The following SLC25A48 variants were observed in gnomAD, a reference collection of about 807,000 sequenced individuals.
The protein encoded by SLC25A48 is solute carrier family 25 member 48.
In SLC25A48, 29 loss-of-function variants were observed where a neutral mutation model predicts 32.2. The observed-to-expected ratio is 0.90, with a 90% confidence interval of 0.67 to 1.23. The LOEUF (loss-of-function observed/expected upper bound fraction) is 1.23. Ranked by LOEUF, SLC25A48 falls within the 50% of genes most tolerant of loss-of-function variation. The probability of loss-of-function intolerance (pLI) is 0.00; values close to 1 mark genes in which losing one functional copy is unlikely to be tolerated. For missense variants in SLC25A48, 399 were observed against 422.7 expected (o/e 0.94, Z 0.49); for synonymous variants, 164 against 172.3 (o/e 0.95, Z 0.38).
intron 3 of SLC25A48, among the ~76,000 whole-genome samples, chr5:135,695,017 C>T (rs2126961189): frequency 6.6e-6 from 1 of 152,324 alleles, no homozygotes; most frequent in Non-Finnish European, 1.5e-5. Flanking sequence ...CCCACCTCTC[C>T]TCCTGGCAGC....
chr5:135,833,719 G>A (rs963040004), upstream of SLC25A48, among the ~76,000 whole-genome samples: 6 of 152,216 alleles, frequency 3.9e-5, no homozygotes, highest in African/African-American at 1.4e-4. Flanking sequence ...CCGGGGCAGG[G>A]GAGGGAGTGA....
intron 4 of SLC25A48, among the ~76,000 whole-genome samples, chr5:135,855,605 C>G (rs368911971): frequency 1.3e-5 from 2 of 152,284 alleles, no homozygotes; most frequent in African/African-American, 4.8e-5. Context: ...TTGCAGTACC[C>G]AGTGCAAAAT....
chr5:135,848,510 A>G (rs547399291), intron 2 of SLC25A48, among the ~76,000 whole-genome samples: 1 of 152,268 alleles, frequency 6.6e-6, no homozygotes, highest in South Asian at 2.1e-4. Flanking sequence ...AGTCTCCCCC[A>G]CTGAATTTAA....
rs188364001 is a variant in SLC25A48, at chr5:135,598,486, A to G, written c.-849+18889A>G. ...AACTGAAGAATCATGAGGTTCATCAATATGAAAAGGAAAGCTTCATTTCTT... is the reference window on the plus strand; with the variant it reads ...AACTGAAGAATCATGAGGTTCATCAGTATGAAAAGGAAAGCTTCATTTCTT... On this transcript the variant is annotated intron_variant, in intron 1 of 10. Transcript: ENST00000646290. Among the ~76,000 whole-genome samples the G allele has an allele frequency of 1.7e-3, 264 of 152,316 alleles. 1 individual carries two copies. The highest frequency in any genetic ancestry group is 0.01 in the Middle Eastern group (3 of 294).
intron 3 of SLC25A48, among the ~76,000 whole-genome samples, chr5:135,659,408 G>A (rs1055146436): frequency 6.6e-6 from 1 of 152,166 alleles, no homozygotes; most frequent in African/African-American, 2.4e-5. Context: ...AATCAGCCTG[G>A]CCATCTTTGT....
intron 3 of SLC25A48, among the ~76,000 whole-genome samples, chr5:135,719,850 C>T (rs1164588784): frequency 1.3e-5 from 2 of 152,174 alleles, no homozygotes; most frequent in East Asian, 3.9e-4. Flanking sequence ...CCCTCGCTGC[C>T]ATCTCCTGCA....
intron 1 of SLC25A48, among the ~76,000 whole-genome samples, chr5:135,593,932 C>G (rs1180414302): frequency 3.9e-5 from 6 of 152,218 alleles, no homozygotes; most frequent in Admixed American, 3.9e-4. Context: ...CCCCCCTGGT[C>G]ACTGGCTGGA....
At chr5:135,668,921 A>G (rs747740567) in intron 3 of SLC25A48, among the ~76,000 whole-genome samples, 20 of 152,234 alleles carry the variant, frequency 1.3e-4, no homozygotes, top group Admixed American at 3.3e-4. Flanking sequence ...TAAAATATCC[A>G]TGGTGTGTGA....
chr5:135,588,822 C>T lies in SLC25A48; in HGVS notation c.-849+9225C>T, dbSNP rs143813771. 5.9e-5 allele frequency among the ~76,000 whole-genome samples: 9 copies of T among 152,156 alleles called. No individual in the cohort carries two copies. In the East Asian group the frequency reaches 7.7e-4, roughly 13 times the overall value. ...GAGTGTGGGCAGCAAGAGGGTATTG[C>T]GGAGAGCCTTGAATGCTGCATCAGG... On this transcript the variant is annotated intron_variant, in intron 1 of 10. Coordinates refer to the SLC25A48 transcript ENST00000646290.
intron 7 of SLC25A48, among the ~76,000 whole-genome samples, chr5:135,886,011 T>C (rs1020789637): frequency 2.3e-4 from 35 of 152,188 alleles, no homozygotes; most frequent in Non-Finnish European, 7.4e-5. Context: ...CCAAATTTAA[T>C]AGTGGCTATT....
chr5:135,652,126 A>G (rs801558), intron 3 of SLC25A48, among the ~76,000 whole-genome samples: 52,652 of 152,066 alleles, frequency 0.35, 9,523 homozygotes, highest in East Asian at 0.63. Flanking sequence ...GCTATGCAGG[A>G]GCTTAACAGG....
At chr5:135,673,232 T>G (rs1320609864) in intron 3 of SLC25A48, among the ~76,000 whole-genome samples, 1 of 152,208 alleles carries the variant, frequency 6.6e-6, no homozygotes, top group Non-Finnish European at 1.5e-5. Flanking sequence ...TAATTCCTCT[T>G]TGCGTAAATG....
chr5:135,634,592 G>A (rs1288616436), intron 2 of SLC25A48, among the ~76,000 whole-genome samples: 2 of 152,198 alleles, frequency 1.3e-5, no homozygotes, highest in African/African-American at 2.4e-5. Flanking sequence ...GAAGATTTTT[G>A]AGAAGGGAAA....
At chr5:135,658,929 G>A (rs1753321004) in intron 3 of SLC25A48, among the ~76,000 whole-genome samples, 1 of 152,198 alleles carries the variant, frequency 6.6e-6, no homozygotes, top group African/African-American at 2.4e-5. Flanking sequence ...CCTGGGTCTG[G>A]CCCACAAAAC....
intron 1 of SLC25A48, among the ~76,000 whole-genome samples, chr5:135,603,396 T>C (rs1751846846): frequency 6.6e-6 from 1 of 152,278 alleles, no homozygotes; most frequent in Non-Finnish European, 1.5e-5. Context: ...ATTAGCCTAA[T>C]TAAGCTTAAT....
At chr5:135,762,647 T>A (rs1184057970) in intron 3 of SLC25A48, among the ~76,000 whole-genome samples, 1 of 151,938 alleles carries the variant, frequency 6.6e-6, no homozygotes, top group South Asian at 2.1e-4. Flanking sequence ...TATGAAAGAA[T>A]GGGAGTGTGA....
At chr5:135,681,365 T>C (rs1337642705) in intron 3 of SLC25A48, among the ~76,000 whole-genome samples, 4 of 152,372 alleles carry the variant, frequency 2.6e-5, no homozygotes, top group South Asian at 4.1e-4. Context: ...CTTCATCCAA[T>C]GTATTTTTCA....
upstream of SLC25A48, among the ~76,000 whole-genome samples, chr5:135,829,689 GA>G (rs775778599): frequency 6.6e-6 from 1 of 150,942 alleles, no homozygotes; most frequent in Non-Finnish European, 1.5e-5. Flanking sequence ...CATTTATGCA[GA>G]GGGGTGGGGG....
At chr5:135,834,982 G>A in intron 1 of SLC25A48, 89 bp downstream of exon 1, 2 of 1,439,442 alleles carry the variant, frequency 1.4e-6, no homozygotes, top group East Asian at 2.5e-5. Flanking sequence ...GCCTCTGTGC[G>A]CTGCCATCCC....
Sources: gnomAD v4.1 joint callset for allele counts (sites outside exome capture counted in the v4.1 genomes callset) on GRCh38, gnomAD v4.1.1 for gene constraint, MANE v1.5 for transcripts, NCBI Gene and HGNC (gene_info 2026-07-23, HGNC 2026-07-21) for gene names.